CBL: variants seen among roughly 807,000 people sequenced by gnomAD.
The protein encoded by CBL is E3 ubiquitin-protein ligase CBL.
CBL carries 45 observed loss-of-function variants against 96.9 expected under a neutral mutation model. The observed-to-expected ratio is 0.46, with a 90% confidence interval of 0.37 to 0.60. The LOEUF is 0.60. Ranked by LOEUF, CBL falls within the 20% of genes least tolerant of loss-of-function variation. The pLI, the probability that CBL is intolerant of heterozygous loss-of-function variation, is 0.00. For synonymous variants in CBL, 420 were observed against 426.8 expected, an observed-to-expected ratio of 0.98 and a Z score of 0.20; for missense variants, 1,024 against 1,143.5, an observed-to-expected ratio of 0.90 and a Z score of 1.51.
chr11:119,225,833 T>G (rs186052401), intron 1 of CBL, among the ~76,000 whole-genome samples: 1 of 146,792 alleles, frequency 6.8e-6, no homozygotes, highest in East Asian at 2.1e-4. Context: ...GTTCAACCGA[T>G]TCTTCTGCCT....
At chr11:119,214,970 G>A (rs947841078) in intron 1 of CBL, among the ~76,000 whole-genome samples, 8 of 149,960 alleles carry the variant, frequency 5.3e-5, no homozygotes, top group Non-Finnish European at 1.0e-4. Flanking sequence ...CCTTATAAAG[G>A]TAGTATTATA....
chr11:119,234,253 G>A (rs1197738926), intron 2 of CBL, among the ~76,000 whole-genome samples: 1 of 152,292 alleles, frequency 6.6e-6, no homozygotes. Context: ...GGATCCGCCT[G>A]CCTCAGCCTC....
intron 12 of CBL, among the ~76,000 whole-genome samples, chr11:119,294,407 C>T (rs547708392): frequency 9.9e-4 from 143 of 144,920 alleles, no homozygotes; most frequent in Non-Finnish European, 1.8e-3. Context: ...CCAGCCTGGA[C>T]GACTGAGTCT....
At chr11:119,283,872 C>T (rs1419974554) in intron 9 of CBL, among the ~76,000 whole-genome samples, 5 of 151,688 alleles carry the variant, frequency 3.3e-5, no homozygotes, top group African/African-American at 4.8e-5. Context: ...CTCCTGACCT[C>T]GTGATCCACC....
At chr11:119,276,520 G>C (rs1949890782) in intron 6 of CBL, among the ~76,000 whole-genome samples, 1 of 152,198 alleles carries the variant, frequency 6.6e-6, no homozygotes. Flanking sequence ...GCCTTCATCT[G>C]CTTTCATCCT....
intron 6 of CBL, among the ~76,000 whole-genome samples, chr11:119,276,453 A>G (rs1442739910): frequency 1.3e-5 from 2 of 152,208 alleles, no homozygotes; most frequent in African/African-American, 4.8e-5. Flanking sequence ...TTGACCAGTT[A>G]TTTAACTAGT....
intron 9 of CBL, among the ~76,000 whole-genome samples, chr11:119,280,596 A>AT (rs1369063249): frequency 1.3e-5 from 2 of 151,750 alleles, no homozygotes; most frequent in African/African-American, 2.4e-5. Context: ...ATGCACATGG[A>AT]TTTTTTTTAA....
chr11:119,242,012 T>G (rs1263604772), intron 2 of CBL, among the ~76,000 whole-genome samples: 2 of 152,212 alleles, frequency 1.3e-5, no homozygotes, highest in Non-Finnish European at 2.9e-5. Flanking sequence ...TATTTTACAG[T>G]GACAGTATTG....
intron 12 of CBL, among the ~76,000 whole-genome samples, chr11:119,288,420 C>T (rs770286843): frequency 6.6e-6 from 1 of 152,176 alleles, no homozygotes; most frequent in Non-Finnish European, 1.5e-5. Context: ...CCGGTGAGGG[C>T]TCTCTTCCTG....
chr11:119,241,792 A>G lies in CBL; in HGVS notation c.443+9097A>G, dbSNP rs528214692. On this transcript the variant is annotated intron_variant, in intron 2 of 15. Coordinates refer to ENST00000264033, the MANE Select transcript of CBL (RefSeq NM_005188.4). ...GGGACAGCAACATGGGTCCTGAAAAAGATTTTCAGTCCATGAGAGAGACAA... is the reference window on the plus strand; with the variant it reads ...GGGACAGCAACATGGGTCCTGAAAAGGATTTTCAGTCCATGAGAGAGACAA... 4.5e-4 allele frequency among the ~76,000 whole-genome samples: 69 copies of G among 152,296 alleles called. No individual in the cohort carries two copies. In the East Asian group the frequency reaches 8.7e-3, roughly 19 times the overall value.
At chr11:119,264,836 A>G (rs940379265) in intron 2 of CBL, among the ~76,000 whole-genome samples, 1 of 152,078 alleles carries the variant, frequency 6.6e-6, no homozygotes, top group Admixed American at 6.6e-5. Context: ...TATAACCACC[A>G]TATACCAATC....
chr11:119,233,719 G>T (rs766590547), intron 2 of CBL, among the ~76,000 whole-genome samples: 45 of 152,102 alleles, frequency 3.0e-4, no homozygotes, highest in Non-Finnish European at 5.0e-4. Flanking sequence ...AATTCCACTA[G>T]AATTTTTTAG....
At chr11:119,220,598 CA>C (rs1949400296) in intron 1 of CBL, among the ~76,000 whole-genome samples, 1 of 151,788 alleles carries the variant, frequency 6.6e-6, no homozygotes, top group South Asian at 2.1e-4. Context: ...GACCCTGTTT[CA>C]AAAAAATAAA....
intron 2 of CBL, among the ~76,000 whole-genome samples, chr11:119,254,624 CAG>C (rs763946665): frequency 4.0e-5 from 6 of 150,442 alleles, no homozygotes; most frequent in Non-Finnish European, 5.9e-5. Flanking sequence ...TTTTTTGAGA[CAG>C]AGTCTCGTCC....
intron 14 of CBL, 25 bp downstream of exon 14, chr11:119,297,506 A>G (rs1269517018): frequency 6.7e-7 from 1 of 1,483,614 alleles, no homozygotes; most frequent in South Asian, 1.1e-5. Context: ...TGCTACTTTA[A>G]AAATCATTGA....
intron 11 of CBL, among the ~76,000 whole-genome samples, chr11:119,285,789 G>A (rs976705468): frequency 6.7e-5 from 10 of 150,264 alleles, no homozygotes; most frequent in Non-Finnish European, 1.3e-4. Context: ...CCAGCTACTC[G>A]GGAGGCTGAG....
rs573080853 is a variant in CBL at position 119,225,211 on chromosome 11, C to G, written c.196-7237C>G. On this transcript the variant is annotated intron_variant, in intron 1 of 15. Transcript: ENST00000264033. ...TCCCGGGTTCATGCAATTCTCCTGT[C>G]TCAGCCTCCCCAGTAGCTGGGACTA... Among the ~76,000 whole-genome samples the G allele has an allele frequency of 1.6e-4, 24 of 152,166 alleles. No homozygotes were observed. The South Asian group carries it at 3.1e-3, about 20-fold the overall frequency.
intron 12 of CBL, 96 bp downstream of exon 12, chr11:119,288,042 G>A: frequency 1.2e-6 from 1 of 809,048 alleles, no homozygotes; most frequent in Non-Finnish European, 2.1e-6. Context: ...GTGTAAAAAA[G>A]AAAATAAAAA....
intron 2 of CBL, among the ~76,000 whole-genome samples, chr11:119,249,636 A>G (rs936979775): frequency 6.0e-5 from 9 of 149,500 alleles, no homozygotes; most frequent in African/African-American, 2.2e-4. Flanking sequence ...TAATATTGCT[A>G]TTATTTTGGT....
Sources: allele counts gnomAD v4.1 joint callset (sites outside exome capture counted in the v4.1 genomes callset), GRCh38; gene constraint gnomAD v4.1.1; transcripts MANE v1.5; gene names NCBI Gene and HGNC (gene_info 2026-07-23, HGNC 2026-07-21).